Variants in BRD3 observed in about 807,000 individuals in gnomAD.
BRD3 encodes the protein bromodomain containing 3.
A neutral mutation model predicts 66.8 loss-of-function variants in BRD3; 17 were observed. That is an observed-to-expected ratio of 0.25 (90% CI 0.17 to 0.38). The LOEUF (loss-of-function observed/expected upper bound fraction) is 0.38, where lower values mean the gene tolerates loss of function less well. Ranked by LOEUF, BRD3 falls within the 10% of genes least tolerant of loss-of-function variation. BRD3 has a pLI of 1.00. For synonymous variants in BRD3, 421 were observed against 393.2 expected (o/e 1.07, Z -0.84); for missense variants, 713 against 956.1 (o/e 0.75, Z 3.35).
In BRD3 at chr9:134,031,564, T is replaced by C. The variant is rs1411201418; in HGVS notation, c.*2026A>G. The stretch of plus-strand genomic sequence containing the variant: ...TTATATTTTTATTATAAACAAAACT[T>C]AATTAAAAGTTTAACAAACTGGCTG... On this transcript the variant is annotated 3_prime_UTR_variant, in exon 12 of 12. Coordinates refer to ENST00000303407, the MANE Select transcript of BRD3 (RefSeq NM_007371.4). 9.7e-6 allele frequency: 2 copies of C among 205,580 alleles called. No homozygotes were observed. The highest frequency in any genetic ancestry group is 1.9e-4 in the South Asian group (1 of 5,268). The allele number at this position is 205,580 out of a possible 1,614,324, so 12.7% of individuals were successfully genotyped here.
chr9:134,048,631 A>C (rs1339349544), intron 5 of BRD3, among the ~76,000 whole-genome samples, 177 bp from the exon 6 acceptor site: 1 of 152,186 alleles, frequency 6.6e-6, no homozygotes, highest in Non-Finnish European at 1.5e-5. Context: ...GCCCAAGGTC[A>C]CACAGCTGGC....
chr9:134,053,432 G>C lies in BRD3; in HGVS notation c.46C>G (p.Pro16Ala), dbSNP rs1228902602. 6.2e-7 allele frequency: 1 copy of C among 1,611,042 alleles called. No individual in the cohort carries two copies. The highest frequency in any genetic ancestry group is 2.2e-5 in the East Asian group (1 of 44,858). Reference protein sequence around the residue: ...TVAPAGIPATPGPVNPPPPEV... With the variant: ...TVAPAGIPATAGPVNPPPPEV... ...GGGGGGGGTGGGTTCACAGGGCCCG[G>C]GGTCGCCGGGATCCCCGCGGGGGCG... Residue 16 changes from proline (P) to alanine (A), a missense_variant, in exon 2 of 12, where the codon CCG becomes GCG. Physicochemically the swap from Pro to Ala is conservative, Grantham distance 27. Coordinates refer to ENST00000303407, the MANE Select transcript of BRD3 (RefSeq NM_007371.4).
chr9:134,042,678 TACAC>T (rs1160276088), intron 7 of BRD3, among the ~76,000 whole-genome samples: 2 of 139,232 alleles, frequency 1.4e-5, no homozygotes, highest in East Asian at 2.7e-4. Context: ...CACATATATA[TACAC>T]ACACACACAT....
intron 1 of BRD3, chr9:134,053,835 G>A (rs1468964684): frequency 7.2e-6 from 2 of 277,882 alleles, no homozygotes; most frequent in East Asian, 1.2e-4. Flanking sequence ...CCTGGGCGGT[G>A]GAGGGAGCTC....
intron 1 of BRD3, among the ~76,000 whole-genome samples, chr9:134,065,064 G>A (rs910066959): frequency 6.6e-6 from 1 of 152,242 alleles, no homozygotes; most frequent in African/African-American, 2.4e-5. Flanking sequence ...ACGGCAAGAA[G>A]CCTTGCATTC....
At position 134,045,522 on chromosome 9, in the gene BRD3, C is replaced by T. The variant is rs979905036; in HGVS notation, c.1087-101G>A. ...ACTCTGGAGCCTCAGGAGCCACTGC[C>T]AGCTCCAGGGCAGTGCCTACTGGCC... On this transcript the variant is annotated intron_variant, in intron 6 of 11. Coordinates refer to ENST00000303407, the MANE Select transcript of BRD3 (RefSeq NM_007371.4). The surrounding 1 kb of genome is among the most constrained non-coding windows in gnomAD (Gnocchi z 4.8). 13 of 1,549,646 alleles carry T rather than the reference C, an allele frequency of 8.4e-6. No homozygotes were observed. In the African/African-American group the frequency reaches 1.2e-4, roughly 15 times the overall value.
rs1489462087 is a variant in BRD3 at position 134,045,087 on chromosome 9, G to A, written c.1215+206C>T. Reference sequence around the variant, plus strand: ...CCCCAGTGGTCCCACCTGCTCGCTGGCTGCCCTGCCCCAGTGGCAGCTCCT... The same window carrying A: ...CCCCAGTGGTCCCACCTGCTCGCTGACTGCCCTGCCCCAGTGGCAGCTCCT... On this transcript the variant is annotated intron_variant, in intron 7 of 11. Transcript: ENST00000303407. The surrounding 1 kb of genome is among the most constrained non-coding windows in gnomAD (Gnocchi z 4.8). Among the ~76,000 whole-genome samples the A allele has an allele frequency of 2.0e-5, 3 of 152,192 alleles. No individual in the cohort carries two copies. The South Asian group carries it at 6.2e-4, about 32-fold the overall frequency.
intron 4 of BRD3, among the ~76,000 whole-genome samples, chr9:134,050,854 C>T (rs1223527547): frequency 6.6e-6 from 1 of 152,190 alleles, no homozygotes; most frequent in African/African-American, 2.4e-5. Flanking sequence ...CCAAGGCAGT[C>T]CCATGGCCTG....
chr9:134,037,264 A>G (rs1588273466), intron 9 of BRD3, among the ~76,000 whole-genome samples: 1 of 152,150 alleles, frequency 6.6e-6, no homozygotes, highest in African/African-American at 2.4e-5. Flanking sequence ...AAAAAGGAGT[A>G]TGTTCAGGAA....
chr9:134,037,299 C>T (rs1179764467), intron 9 of BRD3, among the ~76,000 whole-genome samples: 24 of 152,302 alleles, frequency 1.6e-4, no homozygotes, highest in Admixed American at 1.1e-3. Context: ...GGGCTGGGCG[C>T]GGTGGCTCAC....
upstream of BRD3, chr9:134,068,326 C>A (rs908317744): frequency 2.7e-5 from 4 of 149,542 alleles, no homozygotes; most frequent in East Asian, 3.9e-4. Context: ...GCTCTCCTCA[C>A]CCCGTGTCGG....
chr9:134,039,405 G>T (rs555213138), intron 9 of BRD3, among the ~76,000 whole-genome samples: 1 of 152,254 alleles, frequency 6.6e-6, no homozygotes, highest in East Asian at 1.9e-4. Context: ...CGTCCTACTG[G>T]CCTCTGTGGC....
At chr9:134,063,368 G>A (rs1830584406) in intron 1 of BRD3, among the ~76,000 whole-genome samples, 1 of 152,202 alleles carries the variant, frequency 6.6e-6, no homozygotes, top group Non-Finnish European at 1.5e-5. Context: ...CATACCCAGG[G>A]CTCTGTCCTG....
At chr9:134,041,726 C>T (rs1033364181) in intron 8 of BRD3, 34 bp downstream of exon 8, 9 of 1,599,412 alleles carry the variant, frequency 5.6e-6, no homozygotes, top group East Asian at 4.5e-5. Flanking sequence ...CCCGCCTCAG[C>T]CCCTGAACCC....
chr9:134,037,130 C>G (rs555473559), intron 9 of BRD3, among the ~76,000 whole-genome samples: 78 of 152,128 alleles, frequency 5.1e-4, no homozygotes, highest in Non-Finnish European at 9.1e-4. Context: ...TACACAAATG[C>G]CACTTTAAAT....
intron 1 of BRD3, among the ~76,000 whole-genome samples, chr9:134,061,136 A>T (rs1019242754): frequency 6.6e-6 from 1 of 152,244 alleles, no homozygotes; most frequent in Non-Finnish European, 1.5e-5. Context: ...CCAGAGGGGC[A>T]GGAGCAGGCA....
intron 3 of BRD3, 83 bp from the exon 4 acceptor site, chr9:134,051,792 A>G: frequency 6.8e-7 from 1 of 1,470,748 alleles, no homozygotes; most frequent in Non-Finnish European, 9.1e-7. Flanking sequence ...AGCTCAAAAA[A>G]ATATTTAAAA....
At chr9:134,053,178 G>T in intron 2 of BRD3, 87 bp downstream of exon 2, 1 of 1,442,934 alleles carries the variant, frequency 6.9e-7, no homozygotes, top group Non-Finnish European at 9.6e-7. Context: ...AAGGCCAGAG[G>T]CAGTCTTTCC....
chr9:134,049,387 G>C (rs1250572330), intron 5 of BRD3, among the ~76,000 whole-genome samples: 1 of 152,210 alleles, frequency 6.6e-6, no homozygotes, highest in African/African-American at 2.4e-5. Flanking sequence ...CACGGCACCT[G>C]CCGTCTAGAG....
Sources: gnomAD v4.1 joint callset for allele counts (sites outside exome capture counted in the v4.1 genomes callset) on GRCh38, gnomAD v4.1.1 for gene constraint, Gnocchi (gnomAD v3.1) non-coding constraint, MANE v1.5 for transcripts, NCBI Gene and HGNC (gene_info 2026-07-23, HGNC 2026-07-21) for gene names.